PLEKHS1: variants seen among roughly 807,000 people sequenced by gnomAD.
The protein encoded by PLEKHS1 is pleckstrin homology domain containing S1, also known as pleckstrin homology domain-containing family S member 1.
A neutral mutation model predicts 51.0 loss-of-function variants in PLEKHS1; 55 were observed. That is an observed-to-expected ratio of 1.08 (90% CI 0.87 to 1.35). The LOEUF is 1.35. Among genes scored for constraint, PLEKHS1 ranks in the 40% most tolerant of loss-of-function variants. The pLI is 0.00. For missense variants in PLEKHS1, 398 were observed against 423.0 expected (o/e 0.94, Z 0.52); for synonymous variants, 153 against 144.8 (o/e 1.06, Z -0.41).
chr10:113,768,834 G>A (rs753474191), exon 6 of PLEKHS1: 3 of 1,613,512 alleles, frequency 1.9e-6, no homozygotes, highest in Non-Finnish European at 2.5e-6. Flanking sequence ...TAAAGACTGG[G>A]TCTCCTTCAT....
At chr10:113,772,145 C>T in intron 8 of PLEKHS1, 56 bp downstream of exon 8, 1 of 1,590,558 alleles carries the variant, frequency 6.3e-7, no homozygotes, top group Non-Finnish European at 8.6e-7. Flanking sequence ...TTACTGAAAC[C>T]CTGCCATGCA....
At chr10:113,765,441 T>C (rs1185018379) in intron 2 of PLEKHS1, 8 of 777,010 alleles carry the variant, frequency 1.0e-5, no homozygotes, top group Non-Finnish European at 2.4e-6. Context: ...GTTCTTTCTC[T>C]GGCCTCAGGT....
At chr10:113,766,653 G>A (rs1369539761) in exon 4 of PLEKHS1, 2 of 1,612,874 alleles carry the variant, frequency 1.2e-6, no homozygotes, top group Non-Finnish European at 1.7e-6. Flanking sequence ...CAAAGGCTGG[G>A]GAAAAGAGCT....
At chr10:113,760,660 T>C (rs1353346888) in intron 2 of PLEKHS1, among the ~76,000 whole-genome samples, 1 of 152,146 alleles carries the variant, frequency 6.6e-6, no homozygotes, top group African/African-American at 2.4e-5. Flanking sequence ...AGTTGAGTTG[T>C]TTGTCTTTTT....
chr10:113,755,638 A>T (rs1371806061), intron 2 of PLEKHS1, among the ~76,000 whole-genome samples: 2 of 152,024 alleles, frequency 1.3e-5, no homozygotes, highest in Non-Finnish European at 2.9e-5. Context: ...CTCCCGGCCT[A>T]GGTGATTCCC....
intron 2 of PLEKHS1, among the ~76,000 whole-genome samples, chr10:113,762,364 C>CT (rs1564818413): frequency 4.0e-5 from 3 of 75,746 alleles, no homozygotes; most frequent in Admixed American, 1.6e-4. Context: ...TAGATTTGTT[C>CT]CTTTTTTTTT....
intron 7 of PLEKHS1, among the ~76,000 whole-genome samples, chr10:113,770,876 T>C (rs1429069922): frequency 6.6e-6 from 1 of 152,220 alleles, no homozygotes; most frequent in African/African-American, 2.4e-5. Flanking sequence ...CAGTACTGTT[T>C]GCCTTGCTGG....
intron 1 of PLEKHS1, among the ~76,000 whole-genome samples, chr10:113,751,963 T>G (rs1341491381): frequency 6.6e-6 from 1 of 152,226 alleles, no homozygotes; most frequent in Non-Finnish European, 1.5e-5. Flanking sequence ...TATACTGTAT[T>G]CACCAAATCC....
At chr10:113,772,345 C>T (rs756160534) in intron 8 of PLEKHS1, among the ~76,000 whole-genome samples, 30 of 152,094 alleles carry the variant, frequency 2.0e-4, no homozygotes, top group Non-Finnish European at 4.1e-4. Context: ...GACTTTCAAA[C>T]AAAAGATCAG....
chr10:113,767,518 C>T (rs774246224), intron 5 of PLEKHS1, 39 bp downstream of exon 5: 1 of 1,561,460 alleles, frequency 6.4e-7, no homozygotes, highest in Non-Finnish European at 8.6e-7. Flanking sequence ...CTACTGCATG[C>T]AAAACAAAAA....
intron 7 of PLEKHS1, among the ~76,000 whole-genome samples, chr10:113,770,545 C>T (rs1261702535): frequency 6.6e-6 from 1 of 152,148 alleles, no homozygotes; most frequent in Non-Finnish European, 1.5e-5. Context: ...CTCTTAGAGA[C>T]TTATCCATTG....
At chr10:113,780,740 C>G (rs1564830873) in exon 12 of PLEKHS1, 2 of 1,591,360 alleles carry the variant, frequency 1.3e-6, no homozygotes, top group Admixed American at 3.5e-5. Flanking sequence ...CAAGAGGAGT[C>G]CGGCCATTAA....
chr10:113,778,964 G>A (rs1304548598), intron 11 of PLEKHS1, among the ~76,000 whole-genome samples: 3 of 152,204 alleles, frequency 2.0e-5, no homozygotes, highest in Non-Finnish European at 4.4e-5. Flanking sequence ...GCTGGGTGCT[G>A]TATACTGTGC....
At chr10:113,755,361 G>A (rs3981351) in intron 2 of PLEKHS1, 56 bp downstream of exon 2, 1,176,924 of 1,578,962 alleles carry the variant, frequency 0.75, 440,173 homozygotes, top group South Asian at 0.78. Context: ...AATGCCCCAC[G>A]GTTTCCTTCA....
intron 2 of PLEKHS1, among the ~76,000 whole-genome samples, chr10:113,759,418 G>A (rs1440284851): frequency 1.3e-5 from 2 of 152,092 alleles, no homozygotes. Flanking sequence ...ATGTTTTCTT[G>A]TGCCTGTTTG....
chr10:113,780,961 C>T, exon 12 of PLEKHS1: 1 of 615,230 alleles, frequency 1.6e-6, no homozygotes, highest in Non-Finnish European at 2.8e-6. Context: ...CTAAGAGGGT[C>T]ATGTGGCATG....
chr10:113,782,609 T>C (rs1461411874), downstream of PLEKHS1: 2 of 152,226 alleles, frequency 1.3e-5, no homozygotes, highest in Non-Finnish European at 2.9e-5. Flanking sequence ...TCGTGAGATC[T>C]GGTTGTTTAA....
rs73361859 is a variant in PLEKHS1 at position 113,775,239 on chromosome 10, C to T, written c.989+204C>T. On this transcript the variant is annotated intron_variant, in intron 10 of 11. Coordinates refer to ENST00000361048, the Ensembl canonical transcript of PLEKHS1. The stretch of plus-strand genomic sequence containing the variant: ...ATCTCAAGTAAAGCAGTTCCTGGGG[C>T]GGGGGGTGGCATTTTCAGCTATTTT... 0.02 allele frequency among the ~76,000 whole-genome samples: 3,067 copies of T among 151,844 alleles called. 100 individuals are homozygous for T. The highest frequency in any genetic ancestry group is 0.07 in the African/African-American group (2,890 of 41,416).
chr10:113,777,461 C>G, intron 11 of PLEKHS1: 2 of 1,599,318 alleles, frequency 1.3e-6, no homozygotes, highest in Non-Finnish European at 1.7e-6. Context: ...AGGCACTGAG[C>G]TAAGAGACAG....
Sources: gnomAD v4.1 joint callset for allele counts (sites outside exome capture counted in the v4.1 genomes callset) on GRCh38, gnomAD v4.1.1 for gene constraint, MANE v1.5 for transcripts, NCBI Gene and HGNC (gene_info 2026-07-23, HGNC 2026-07-21) for gene names.